Variants in GPC6 observed in about 807,000 individuals in gnomAD.
GPC6 encodes glypican-6.
In GPC6, 14 loss-of-function variants were observed where a neutral mutation model predicts 55.2. The observed-to-expected ratio is 0.25, with a 90% CI of 0.17 to 0.40. The LOEUF (loss-of-function observed/expected upper bound fraction) is 0.40, where lower values mean the gene tolerates loss of function less well. GPC6 is among the 10% of genes least tolerant of loss of function. The probability of loss-of-function intolerance (pLI) is 1.00; values close to 1 mark genes in which losing one functional copy is unlikely to be tolerated. For missense variants in GPC6, 641 were observed against 708.5 expected (o/e 0.90, Z 1.08); for synonymous variants, 278 against 259.6 (o/e 1.07, Z -0.68).
At chr13:93,521,305 CT>C (rs879745737) in intron 1 of GPC6, among the ~76,000 whole-genome samples, 43 of 149,948 alleles carry the variant, frequency 2.9e-4, no homozygotes, top group Non-Finnish European at 5.5e-4. Flanking sequence ...CTTTTCTTTT[CT>C]TTTTTTTTAG....
intron 3 of GPC6, among the ~76,000 whole-genome samples, chr13:93,892,852 C>G (rs1227658280): frequency 5.9e-5 from 9 of 152,122 alleles, no homozygotes; most frequent in Admixed American, 5.9e-4. Flanking sequence ...ATAAGCCACT[C>G]AGCCTCCCCA....
At chr13:93,855,975 C>T (rs1001706573) in intron 3 of GPC6, among the ~76,000 whole-genome samples, 1 of 151,614 alleles carries the variant, frequency 6.6e-6, no homozygotes, top group African/African-American at 2.4e-5. Context: ...TTCTCCCAGC[C>T]TGTGGCTTCT....
At chr13:93,237,126 G>C (rs1201695826) in intron 1 of GPC6, among the ~76,000 whole-genome samples, 2 of 152,082 alleles carry the variant, frequency 1.3e-5, no homozygotes, top group East Asian at 3.9e-4. Flanking sequence ...TCTACTTTTA[G>C]TCCTTTGAGA....
intron 3 of GPC6, among the ~76,000 whole-genome samples, chr13:93,939,858 C>A (rs1878643733): frequency 1.3e-5 from 2 of 152,024 alleles, no homozygotes; most frequent in South Asian, 2.1e-4. Flanking sequence ...CATATTTAAT[C>A]TCCACAAAAT....
intron 3 of GPC6, among the ~76,000 whole-genome samples, chr13:93,995,960 C>T (rs767978270): frequency 1.5e-4 from 23 of 152,104 alleles, no homozygotes; most frequent in African/African-American, 2.2e-4. Context: ...TCCATTATGT[C>T]GAGATATCCT....
At chr13:94,233,111 A>T (rs1890782152) in intron 4 of GPC6, among the ~76,000 whole-genome samples, 1 of 151,202 alleles carries the variant, frequency 6.6e-6, no homozygotes, top group African/African-American at 2.4e-5. Flanking sequence ...TATGCACCAC[A>T]ATGTACCCAT....
At chr13:94,096,539 A>G (rs1885664887) in intron 4 of GPC6, among the ~76,000 whole-genome samples, 1 of 152,092 alleles carries the variant, frequency 6.6e-6, no homozygotes, top group Non-Finnish European at 1.5e-5. Context: ...GAGACACAGC[A>G]TTGTTGCCTA....
At chr13:93,304,121 C>T (rs1314123205) in intron 1 of GPC6, among the ~76,000 whole-genome samples, 1 of 152,116 alleles carries the variant, frequency 6.6e-6, no homozygotes, top group Non-Finnish European at 1.5e-5. Context: ...CTGCCTCGGC[C>T]TCCCACAGTG....
chr13:93,986,971 A>G (rs1039272828), intron 3 of GPC6, among the ~76,000 whole-genome samples: 5 of 152,188 alleles, frequency 3.3e-5, no homozygotes, highest in Admixed American at 2.0e-4. Context: ...TGTCCATTTC[A>G]TAATTTATCC....
intron 1 of GPC6, among the ~76,000 whole-genome samples, chr13:93,230,328 A>G (rs928269278): frequency 2.0e-5 from 3 of 152,168 alleles, no homozygotes; most frequent in African/African-American, 7.2e-5. Flanking sequence ...CTATTCTAGG[A>G]TAGAATGGAA....
At chr13:94,156,887 G>A (rs1887965778) in intron 4 of GPC6, among the ~76,000 whole-genome samples, 1 of 152,156 alleles carries the variant, frequency 6.6e-6, no homozygotes, top group Non-Finnish European at 1.5e-5. Context: ...CTGGAGAAAG[G>A]AATTAAGTGT....
chr13:94,121,643 G>A (rs1035074630), intron 4 of GPC6, among the ~76,000 whole-genome samples: 4 of 152,114 alleles, frequency 2.6e-5, no homozygotes, highest in African/African-American at 9.7e-5. Context: ...TTAGATGAGG[G>A]CTGGAAGCCA....
At chr13:94,219,805 C>T (rs1890330144) in intron 4 of GPC6, among the ~76,000 whole-genome samples, 1 of 152,084 alleles carries the variant, frequency 6.6e-6, no homozygotes, top group African/African-American at 2.4e-5. Context: ...TTAAATTTTA[C>T]CATTTCCAGA....
intron 4 of GPC6, among the ~76,000 whole-genome samples, chr13:94,133,509 G>A (rs189063346): frequency 2.0e-4 from 30 of 152,200 alleles, no homozygotes; most frequent in Non-Finnish European, 4.0e-4. Context: ...CTTAATAACT[G>A]AAGACCTCTG....
chr13:94,148,491 T>G (rs1274307744), intron 4 of GPC6, among the ~76,000 whole-genome samples: 1 of 152,142 alleles, frequency 6.6e-6, no homozygotes, highest in Non-Finnish European at 1.5e-5. Context: ...ATTCAGCTAA[T>G]AGATTCAATG....
chr13:93,400,259 T>C (rs1876018585), intron 1 of GPC6, among the ~76,000 whole-genome samples: 1 of 152,094 alleles, frequency 6.6e-6, no homozygotes, highest in South Asian at 2.1e-4. Context: ...CCTTTTCTTC[T>C]TCTCTTTTGT....
intron 3 of GPC6, among the ~76,000 whole-genome samples, chr13:93,934,587 T>C (rs1268185830): frequency 1.3e-5 from 2 of 152,176 alleles, no homozygotes; most frequent in Non-Finnish European, 2.9e-5. Flanking sequence ...ATGCATTTCA[T>C]TGAGCAGTCA....
At chr13:94,295,627 A>T (rs1414644762) in intron 5 of GPC6, among the ~76,000 whole-genome samples, 1 of 152,032 alleles carries the variant, frequency 6.6e-6, no homozygotes, top group Non-Finnish European at 1.5e-5. Context: ...CAGCAATCCA[A>T]CTCTAGTCTG....
At chr13:94,373,174 A>T (rs1293460908) in intron 6 of GPC6, among the ~76,000 whole-genome samples, 4 of 152,336 alleles carry the variant, frequency 2.6e-5, no homozygotes, top group African/African-American at 9.6e-5. Flanking sequence ...CCTCCAAAGG[A>T]ACGCAGTTCC....
Sources: gnomAD v4.1 joint callset for allele counts (sites outside exome capture counted in the v4.1 genomes callset) on GRCh38, gnomAD v4.1.1 for gene constraint, MANE v1.5 for transcripts, NCBI Gene and HGNC (gene_info 2026-07-23, HGNC 2026-07-21) for gene names.